The following CSMD1 variants were observed in gnomAD, a reference collection of about 807,000 sequenced individuals.
CSMD1 encodes CUB and Sushi multiple domains 1, also known as CUB and sushi domain-containing protein 1.
A neutral mutation model predicts 417.5 loss-of-function variants in CSMD1; 213 were observed. The ratio of observed to expected loss-of-function variants is 0.51; its 90% CI spans 0.46 to 0.57. The LOEUF (loss-of-function observed/expected upper bound fraction) is 0.57, where lower values mean the gene tolerates loss of function less well. Among genes scored for constraint, CSMD1 ranks in the 20% least tolerant of loss-of-function variants. CSMD1 has a pLI of 0.00. For missense variants in CSMD1, 6,923 were observed against 4,529.7 expected (o/e 1.53, Z -15.17); for synonymous variants, 2,862 against 1,736.8 (o/e 1.65, Z -16.11).
chr8:4,867,014 G>T (rs533820350), intron 1 of CSMD1, among the ~76,000 whole-genome samples: 1 of 151,738 alleles, frequency 6.6e-6, no homozygotes, highest in Non-Finnish European at 1.5e-5. Context: ...CTCAATTCTC[G>T]GCAGGCTTTG....
chr8:4,424,296 C>G (rs191245529), intron 2 of CSMD1, among the ~76,000 whole-genome samples: 65 of 151,944 alleles, frequency 4.3e-4, no homozygotes, highest in African/African-American at 1.4e-3. Flanking sequence ...AAATATCTGA[C>G]AAAAGACAAG....
chr8:3,624,849 G>C (rs908333777), intron 7 of CSMD1, among the ~76,000 whole-genome samples: 1 of 152,116 alleles, frequency 6.6e-6, no homozygotes, highest in Non-Finnish European at 1.5e-5. Context: ...AAAAGTAATA[G>C]CTCTATTTTA....
intron 2 of CSMD1, among the ~76,000 whole-genome samples, chr8:4,437,146 A>C (rs1259327850): frequency 6.6e-6 from 1 of 152,198 alleles, no homozygotes; most frequent in Non-Finnish European, 1.5e-5. Flanking sequence ...GGAATTTTAG[A>C]AATGGCAAAT....
intron 57 of CSMD1, among the ~76,000 whole-genome samples, chr8:2,971,970 A>G (rs1050148542): frequency 3.3e-5 from 5 of 152,256 alleles, no homozygotes; most frequent in African/African-American, 1.2e-4. Flanking sequence ...GTGTATGCCT[A>G]TATTATATGC....
chr8:4,245,073 C>A (rs930782863), intron 3 of CSMD1, among the ~76,000 whole-genome samples: 3 of 152,080 alleles, frequency 2.0e-5, no homozygotes, highest in African/African-American at 4.8e-5. Flanking sequence ...AGCTATTTTG[C>A]CAACCTGTCT....
At chr8:3,709,098 G>A (rs754167023) in intron 6 of CSMD1, among the ~76,000 whole-genome samples, 1 of 150,678 alleles carries the variant, frequency 6.6e-6, no homozygotes. Flanking sequence ...CATTCTGAGA[G>A]TTAAATATGT....
intron 3 of CSMD1, among the ~76,000 whole-genome samples, chr8:4,040,245 G>A (rs978406686): frequency 1.3e-5 from 2 of 152,180 alleles, no homozygotes; most frequent in African/African-American, 4.8e-5. Context: ...CATTATTTCT[G>A]CCTTATCATA....
intron 5 of CSMD1, among the ~76,000 whole-genome samples, chr8:3,884,851 A>T (rs1201557434): frequency 1.3e-5 from 2 of 151,498 alleles, no homozygotes; most frequent in Admixed American, 6.6e-5. Flanking sequence ...GTGTATGAAA[A>T]TGCCAAGGCT....
chr8:3,454,292 G>A (rs180992933), intron 12 of CSMD1, among the ~76,000 whole-genome samples: 113 of 152,250 alleles, frequency 7.4e-4, no homozygotes, highest in Admixed American at 2.3e-3. Flanking sequence ...TCTTTTAATT[G>A]GAGCATTTGG....
chr8:3,261,873 G>A (rs1039936881), intron 26 of CSMD1, among the ~76,000 whole-genome samples: 4 of 152,032 alleles, frequency 2.6e-5, no homozygotes, highest in East Asian at 3.9e-4. Context: ...CAATGGGTAC[G>A]GCTATCAAAG....
chr8:4,537,110 C>T (rs1044176297), intron 2 of CSMD1, among the ~76,000 whole-genome samples: 13 of 152,098 alleles, frequency 8.5e-5, no homozygotes. Flanking sequence ...GAACTATTTT[C>T]AAATATGCAT....
At chr8:4,068,774 G>A (rs1273212940) in intron 3 of CSMD1, among the ~76,000 whole-genome samples, 1 of 152,138 alleles carries the variant, frequency 6.6e-6, no homozygotes, top group East Asian at 1.9e-4. Context: ...TTTCTGAACA[G>A]ATTAGAATAT....
chr8:4,531,936 C>T (rs1234989681), intron 2 of CSMD1, among the ~76,000 whole-genome samples: 2 of 149,032 alleles, frequency 1.3e-5, no homozygotes, highest in Non-Finnish European at 3.0e-5. Flanking sequence ...AGCCCATTCA[C>T]ACTCACTCCA....
intron 7 of CSMD1, among the ~76,000 whole-genome samples, chr8:3,679,214 G>T (rs1280142131): frequency 2.0e-5 from 3 of 152,130 alleles, no homozygotes; most frequent in Non-Finnish European, 2.9e-5. Context: ...TGGGCTAAAT[G>T]CTCCAATTAC....
rs558007498 is a variant in CSMD1 at position 4,538,455 on chromosome 8, C to A, written c.302+98887G>T. ...ATCAGGAGTTTGAGACCAGCCTGGT[C>A]GACATGGTGAAACCCTGTCTCTACT... is the stretch of plus-strand genomic sequence containing the variant. On this transcript the variant is annotated intron_variant, in intron 2 of 69. Transcript: ENST00000635120. Among the ~76,000 whole-genome samples, 5 of 151,932 alleles carry A rather than the reference C, an allele frequency of 3.3e-5. No homozygotes were observed. The South Asian group carries it at 6.3e-4, about 19-fold the overall frequency.
In CSMD1 at chr8:3,106,516, A is replaced by C; in HGVS notation, c.6949+12T>G. On this transcript the variant is annotated intron_variant, in intron 46 of 69. Transcript: ENST00000635120. ...ATAAGTTTATGTAGTTTTAGTATCG[A>C]ACAGTGCATACCTTCACATGTTGGG... is the stretch of plus-strand genomic sequence containing the variant. The C allele has an allele frequency of 6.5e-7, 1 of 1,549,514 alleles. No homozygotes were observed. The highest frequency in any genetic ancestry group is 8.9e-7 in the Non-Finnish European group (1 of 1,123,816).
chr8:4,611,780 G>C (rs1439504564), intron 2 of CSMD1, among the ~76,000 whole-genome samples: 1 of 152,084 alleles, frequency 6.6e-6, no homozygotes, highest in Non-Finnish European at 1.5e-5. Context: ...AAATTACTCA[G>C]TGTTCCTCTC....
chr8:3,125,932 G>A (rs535449661), intron 41 of CSMD1, among the ~76,000 whole-genome samples: 60 of 152,274 alleles, frequency 3.9e-4, no homozygotes, highest in African/African-American at 1.2e-3. Context: ...AGCTGAGATC[G>A]TGCCACTGCA....
intron 5 of CSMD1, among the ~76,000 whole-genome samples, chr8:3,901,556 C>T (rs759552099): frequency 1.3e-5 from 2 of 152,226 alleles, no homozygotes; most frequent in South Asian, 4.1e-4. Context: ...CACGTTTGCT[C>T]ATAAAGTAGA....
Sources: allele counts gnomAD v4.1 joint callset (sites outside exome capture counted in the v4.1 genomes callset), GRCh38; gene constraint gnomAD v4.1.1; transcripts MANE v1.5; gene names NCBI Gene and HGNC (gene_info 2026-07-23, HGNC 2026-07-21).